Variants in PIGN observed in about 807,000 individuals in gnomAD.
PIGN encodes the protein GPI ethanolamine phosphate transferase 1.
A neutral mutation model predicts 125.4 loss-of-function variants in PIGN; 117 were observed. The observed-to-expected ratio is 0.93, with a 90% CI of 0.80 to 1.09. The LOEUF is 1.09. PIGN is among the 50% of genes least tolerant of loss of function. The pLI, the probability that PIGN is intolerant of heterozygous loss-of-function variation, is 0.00. For missense variants in PIGN, 1,075 were observed against 1,094.9 expected, an observed-to-expected ratio of 0.98 and a Z score of 0.26; for synonymous variants, 392 against 377.8, an observed-to-expected ratio of 1.04 and a Z score of -0.44.
At chr18:62,130,546 AAGAG>A (rs1403958499) in intron 14 of PIGN, among the ~76,000 whole-genome samples, 2 of 152,096 alleles carry the variant, frequency 1.3e-5, no homozygotes, top group African/African-American at 2.4e-5. Flanking sequence ...GTTAAAAAAA[AAGAG>A]AGAAATGAGT....
At chr18:62,173,217 G>A (rs943097341) in intron 1 of PIGN, among the ~76,000 whole-genome samples, 7 of 151,986 alleles carry the variant, frequency 4.6e-5, no homozygotes, top group African/African-American at 9.7e-5. Context: ...ATTAGGTTAC[G>A]GTCTACAAAA....
intron 23 of PIGN, among the ~76,000 whole-genome samples, chr18:62,034,661 G>C (rs2030234696): frequency 6.6e-6 from 1 of 152,130 alleles, no homozygotes; most frequent in Non-Finnish European, 1.5e-5. Context: ...GACTTGCATG[G>C]GGCCTGTAGC....
intron 6 of PIGN, among the ~76,000 whole-genome samples, chr18:62,155,958 A>C (rs1179909761): frequency 6.6e-6 from 1 of 152,180 alleles, no homozygotes; most frequent in Non-Finnish European, 1.5e-5. Flanking sequence ...TAAAATTCTC[A>C]ATATATATTT....
chr18:62,086,671 T>C (rs982666414), intron 25 of PIGN, among the ~76,000 whole-genome samples: 1 of 150,450 alleles, frequency 6.6e-6, no homozygotes, highest in Non-Finnish European at 1.5e-5. Flanking sequence ...CAGTGAAGAG[T>C]AGCAAATCTT....
At chr18:62,165,195 C>T (rs2037087964) in intron 1 of PIGN, among the ~76,000 whole-genome samples, 1 of 152,182 alleles carries the variant, frequency 6.6e-6, no homozygotes, top group African/African-American at 2.4e-5. Flanking sequence ...GAGGTTCCTC[C>T]TCCTGTTCGG....
rs1261845873 is a variant in PIGN at position 62,148,189 on chromosome 18, A to G, written c.674+25T>C. The G allele has an allele frequency of 4.0e-6, 6 of 1,494,140 alleles. No individual in the cohort carries two copies. In the South Asian group the frequency reaches 5.5e-5, roughly 14 times the overall value. The allele number at this position is 1,494,140 out of a possible 1,614,324, so 92.6% of individuals were successfully genotyped here. A position where few individuals can be genotyped will look rare whatever the true frequency, so the allele number is the denominator to read the frequency against. ...TAGAATAGCTGTTGCCCTAAAAAAT[A>G]CAATTAAACACAATATTAAATTACC... is the stretch of plus-strand genomic sequence containing the variant. On this transcript the variant is annotated intron_variant, in intron 8 of 30. Transcript: ENST00000640252.
At chr18:62,159,632 A>G (rs952945036) in intron 4 of PIGN, among the ~76,000 whole-genome samples, 3 of 152,100 alleles carry the variant, frequency 2.0e-5, no homozygotes, top group Non-Finnish European at 4.4e-5. Context: ...TTTATCCTTC[A>G]ATATGTTATG....
chr18:62,125,148 G>GTA (rs3081456), intron 14 of PIGN, among the ~76,000 whole-genome samples: 24,414 of 81,562 alleles, frequency 0.3, 4,927 homozygotes, highest in African/African-American at 0.49. Context: ...GTACATATGT[G>GTA]TATATACATG....
chr18:62,106,354 A>T (rs2146423937), intron 19 of PIGN, among the ~76,000 whole-genome samples: 1 of 150,838 alleles, frequency 6.6e-6, no homozygotes, highest in African/African-American at 2.4e-5. Context: ...ATTTTTAATA[A>T]TCTATAATAA....
intron 14 of PIGN, chr18:62,136,712 C>A: frequency 5.7e-6 from 1 of 176,282 alleles, no homozygotes. Context: ...CCAATGAAGT[C>A]ATTCAATCAC....
chr18:62,175,051 A>ATAT (rs1243897648), intron 1 of PIGN, among the ~76,000 whole-genome samples: 1 of 137,344 alleles, frequency 7.3e-6, no homozygotes, highest in Non-Finnish European at 1.5e-5. Context: ...ATAAATATAT[A>ATAT]TTTTTATATA....
intron 23 of PIGN, among the ~76,000 whole-genome samples, chr18:62,019,762 G>A (rs544603099): frequency 3.3e-5 from 5 of 152,286 alleles, no homozygotes; most frequent in East Asian, 3.9e-4. Context: ...TAGCCCTCCC[G>A]CAGTAAGCAA....
intron 30 of PIGN, among the ~76,000 whole-genome samples, chr18:62,054,743 T>C (rs1216337441): frequency 6.6e-6 from 1 of 152,068 alleles, no homozygotes; most frequent in African/African-American, 2.4e-5. Flanking sequence ...CTGCCCGCTT[T>C]GGCCCTCCCA....
intron 14 of PIGN, among the ~76,000 whole-genome samples, chr18:62,127,379 A>G (rs1381297178): frequency 6.6e-6 from 1 of 152,176 alleles, no homozygotes; most frequent in African/African-American, 2.4e-5. Context: ...AAAGTGCTGA[A>G]TATCTCATGT....
chr18:62,169,473 ATT>A (rs200012021), intron 1 of PIGN, among the ~76,000 whole-genome samples: 3 of 122,282 alleles, frequency 2.5e-5, no homozygotes, highest in South Asian at 3.0e-4. Context: ...TTTTTTTATT[ATT>A]TTTTTTTTGA....
Position 62,076,203 on chromosome 18 carries a change from G to A in PIGN, c.2577-1382C>T, listed in dbSNP as rs144296354. ...CCGCCTCGGCCTCCCAAAGTGCTGGGATTACAGGCATGAGCCACCACGCCC... is the reference window on the plus strand; with the variant it reads ...CCGCCTCGGCCTCCCAAAGTGCTGGAATTACAGGCATGAGCCACCACGCCC... On this transcript the variant is annotated intron_variant, in intron 28 of 30. Coordinates refer to ENST00000640252, the MANE Select transcript of PIGN (RefSeq NM_176787.5). 2.1e-3 allele frequency among the ~76,000 whole-genome samples: 319 copies of A among 152,310 alleles called. 1 individual carries two copies. Among genetic ancestry groups the A allele is most frequent in the African/African-American group, 7.4e-3 (307 of 41,560 alleles).
In PIGN at chr18:62,138,422, T is replaced by C. The variant is rs151030364; in HGVS notation, c.1117-124A>G. ...CACTTTGAAAATAAATGGAATTTTA[T>C]GTTACTATATTGTTTCATAAATATT... On this transcript the variant is annotated intron_variant, in intron 13 of 30. Transcript: ENST00000640252. 10,340 of 1,299,746 alleles carry C rather than the reference T, an allele frequency of 8.0e-3. 58 individuals carry two copies. Among genetic ancestry groups the C allele is most frequent in the Non-Finnish European group, 9.4e-3 (9,128 of 974,858 alleles). The allele number at this position is 1,299,746 out of a possible 1,614,324, so 80.5% of individuals were successfully genotyped here. A position where few individuals can be genotyped will look rare whatever the true frequency, so the allele number is the denominator to read the frequency against.
At chr18:62,133,868 C>G (rs542640542) in intron 14 of PIGN, among the ~76,000 whole-genome samples, 2 of 152,116 alleles carry the variant, frequency 1.3e-5, no homozygotes, top group Non-Finnish European at 2.9e-5. Context: ...CATAATAACT[C>G]TTTTTCATTT....
At chr18:62,092,424 G>C (rs1405182610) in intron 23 of PIGN, among the ~76,000 whole-genome samples, 1 of 151,956 alleles carries the variant, frequency 6.6e-6, no homozygotes, top group Non-Finnish European at 1.5e-5. Context: ...TACACTATAT[G>C]AGAAGTGAAC....
Sources: gnomAD v4.1 joint callset for allele counts (sites outside exome capture counted in the v4.1 genomes callset) on GRCh38, gnomAD v4.1.1 for gene constraint, MANE v1.5 for transcripts, NCBI Gene and HGNC (gene_info 2026-07-23, HGNC 2026-07-21) for gene names.